DOCK3: variants seen among roughly 807,000 people sequenced by gnomAD.
The protein encoded by DOCK3 is dedicator of cytokinesis 3.
In DOCK3, 60 loss-of-function variants were observed where a neutral mutation model predicts 265.6. The ratio of observed to expected loss-of-function variants is 0.23; its 90% confidence interval spans 0.18 to 0.28. The LOEUF (loss-of-function observed/expected upper bound fraction) is 0.28, where lower values mean the gene tolerates loss of function less well. Ranked by LOEUF, DOCK3 falls within the 10% of genes least tolerant of loss-of-function variation. DOCK3 has a pLI of 1.00. For missense variants in DOCK3, 1,981 were observed against 2,594.3 expected, an observed-to-expected ratio of 0.76 and a Z score of 5.14; for synonymous variants, 881 against 938.0, an observed-to-expected ratio of 0.94 and a Z score of 1.11.
chr3:51,252,454 G>A lies in DOCK3; in HGVS notation c.2184+5647G>A, dbSNP rs191882523. 3.2e-3 allele frequency among the ~76,000 whole-genome samples: 485 copies of A among 152,332 alleles called. 4 individuals carry two copies. The highest frequency in any genetic ancestry group is 0.018 in the South Asian group (86 of 4,824). ...TTGAATCTATAAATTACCTTGGGCA[G>A]TATGGCCATTTTCACAGTATTGATT... On this transcript the variant is annotated intron_variant, in intron 22 of 52. Coordinates refer to ENST00000266037, the MANE Select transcript of DOCK3 (RefSeq NM_004947.5).
Position 50,990,665 on chromosome 3 carries a change from C to T in DOCK3, c.315+56588C>T, listed in dbSNP as rs576360932. ...TCACAAGGTCCCACAGTAGATCATC[C>T]GCGGGCTGAGGAGCAAGGAAGCCAG... On this transcript the variant is annotated intron_variant, in intron 5 of 52. Coordinates refer to ENST00000266037, the MANE Select transcript of DOCK3 (RefSeq NM_004947.5). Among the ~76,000 whole-genome samples, 45 of 152,174 alleles carry T rather than the reference C, an allele frequency of 3.0e-4. No homozygotes were observed. In the East Asian group the frequency reaches 8.1e-3, roughly 27 times the overall value.
chr3:50,935,811 G>A (rs2051329080), intron 5 of DOCK3, among the ~76,000 whole-genome samples: 1 of 152,192 alleles, frequency 6.6e-6, no homozygotes, highest in Admixed American at 6.5e-5. Flanking sequence ...TTCAACCACA[G>A]CCCATAAAGA....
rs557549036 is a variant in DOCK3, at chr3:51,241,601, C to G, written c.2102+4011C>G. Among the ~76,000 whole-genome samples, 3 of 152,148 alleles carry G rather than the reference C, an allele frequency of 2.0e-5. No individual in the cohort carries two copies. The East Asian group carries it at 5.8e-4, about 29-fold the overall frequency. On this transcript the variant is annotated intron_variant, in intron 21 of 52. Coordinates refer to ENST00000266037, the MANE Select transcript of DOCK3 (RefSeq NM_004947.5). ...TCTCTTTACATAATCCCATATTCCT[C>G]GGAGGTTTTGTTCATTCATTTTCAT...
chr3:51,295,117 G>A (rs1259556327), intron 27 of DOCK3, among the ~76,000 whole-genome samples: 1 of 152,178 alleles, frequency 6.6e-6, no homozygotes, highest in Non-Finnish European at 1.5e-5. Context: ...TAATGTCTTA[G>A]TCCATTTTGT....
intron 27 of DOCK3, among the ~76,000 whole-genome samples, chr3:51,294,950 A>G (rs1996333): frequency 0.99 from 150,905 of 152,292 alleles, 74,771 homozygotes; most frequent in Middle Eastern, 1. Context: ...TAATTAGCCC[A>G]ATTTGTTCAT....
chr3:51,319,399 A>T (rs79396618), intron 32 of DOCK3, among the ~76,000 whole-genome samples: 1 of 142,756 alleles, frequency 7.0e-6, no homozygotes, highest in African/African-American at 2.8e-5. Context: ...CACTTGATAA[A>T]AAAAAAAAAA....
intron 5 of DOCK3, among the ~76,000 whole-genome samples, chr3:51,020,881 A>G (rs1461372585): frequency 2.0e-5 from 3 of 151,840 alleles, no homozygotes; most frequent in Non-Finnish European, 2.9e-5. Flanking sequence ...GCCCTGTAGT[A>G]TAATTTGAAG....
At chr3:51,307,599 A>T (rs753678873) in intron 27 of DOCK3, among the ~76,000 whole-genome samples, 1 of 152,016 alleles carries the variant, frequency 6.6e-6, no homozygotes, top group Non-Finnish European at 1.5e-5. Flanking sequence ...TTGCTCCAGC[A>T]CTTTTCAGTT....
chr3:51,268,071 C>G (rs1267364872), intron 23 of DOCK3, among the ~76,000 whole-genome samples: 1 of 152,110 alleles, frequency 6.6e-6, no homozygotes. Context: ...AGCACACCAC[C>G]ATGGCACGTG....
intron 23 of DOCK3, 75 bp from the exon 24 acceptor site, chr3:51,270,740 G>C (rs2080450153): frequency 6.9e-7 from 1 of 1,456,466 alleles, no homozygotes; most frequent in Non-Finnish European, 9.3e-7. Flanking sequence ...TCACCACCTT[G>C]TATCATTGTC....
At chr3:50,841,743 C>CTTTTTCTTTTTTTTT in intron 3 of DOCK3, 28 bp downstream of exon 3, 2 of 483,404 alleles carry the variant, frequency 4.1e-6, no homozygotes, top group Non-Finnish European at 6.8e-6. Flanking sequence ...GTTACCTTTT[C>CTTTTTCTTTTTTTTT]TAATGTAGGA....
At chr3:51,248,087 A>G (rs566840592) in intron 22 of DOCK3, among the ~76,000 whole-genome samples, 4 of 152,236 alleles carry the variant, frequency 2.6e-5, no homozygotes, top group Non-Finnish European at 4.4e-5. Context: ...ACACTGTTCT[A>G]ACCACTGGAG....
intron 12 of DOCK3, among the ~76,000 whole-genome samples, chr3:51,203,864 A>G (rs2088983481): frequency 6.6e-6 from 1 of 152,350 alleles, no homozygotes; most frequent in East Asian, 1.9e-4. Context: ...AACTCCGCGT[A>G]TCTACAACTA....
At chr3:50,849,363 C>T (rs1317648314) in intron 3 of DOCK3, among the ~76,000 whole-genome samples, 2 of 151,584 alleles carry the variant, frequency 1.3e-5, no homozygotes, top group African/African-American at 4.9e-5. Flanking sequence ...CACACACACA[C>T]ATACACACGC....
chr3:51,210,242 A>G (rs1379752825), intron 13 of DOCK3, among the ~76,000 whole-genome samples: 1 of 152,198 alleles, frequency 6.6e-6, no homozygotes, highest in Non-Finnish European at 1.5e-5. Flanking sequence ...TGCTCCCCAG[A>G]GCGAGCAGGG....
At chr3:51,330,578 A>G (rs2084449578) in intron 33 of DOCK3, among the ~76,000 whole-genome samples, 1 of 152,122 alleles carries the variant, frequency 6.6e-6, no homozygotes, top group Admixed American at 6.6e-5. Flanking sequence ...TGGGGGATAA[A>G]TCCTCCTTTG....
chr3:51,243,120 A>G (rs1255176275), intron 21 of DOCK3, among the ~76,000 whole-genome samples: 1 of 152,202 alleles, frequency 6.6e-6, no homozygotes, highest in Non-Finnish European at 1.5e-5. Context: ...ACCGCCCTGC[A>G]GAGTTCAGGA....
intron 5 of DOCK3, among the ~76,000 whole-genome samples, chr3:51,063,096 A>G (rs920506580): frequency 6.6e-6 from 1 of 152,202 alleles, no homozygotes; most frequent in Non-Finnish European, 1.5e-5. Flanking sequence ...TTAAAAGTCT[A>G]ATGGGGCCAG....
At chr3:50,906,462 G>A (rs1315908696) in intron 4 of DOCK3, among the ~76,000 whole-genome samples, 2 of 151,896 alleles carry the variant, frequency 1.3e-5, no homozygotes, top group Admixed American at 6.6e-5. Flanking sequence ...GTCTATTCAG[G>A]GATTCAGCTT....
Sources: allele counts gnomAD v4.1 joint callset (sites outside exome capture counted in the v4.1 genomes callset), GRCh38; gene constraint gnomAD v4.1.1; transcripts MANE v1.5; gene names NCBI Gene and HGNC (gene_info 2026-07-23, HGNC 2026-07-21).